DIPK1A: variants seen among roughly 807,000 people sequenced by gnomAD.
DIPK1A encodes the protein family with sequence similarity 69 member A.
In DIPK1A, 27 loss-of-function variants were observed where a neutral mutation model predicts 40.8. That is an observed-to-expected ratio of 0.66 (90% confidence interval 0.49 to 0.91). DIPK1A has a LOEUF of 0.91. DIPK1A is among the 40% of genes least tolerant of loss of function. DIPK1A has a pLI of 0.00. For missense variants in DIPK1A, 412 were observed against 505.7 expected (o/e 0.81, Z 1.78); for synonymous variants, 166 against 171.3 (o/e 0.97, Z 0.24).
chr1:92,924,140 G>A (rs1477301012), intron 1 of DIPK1A, among the ~76,000 whole-genome samples: 2 of 151,754 alleles, frequency 1.3e-5, no homozygotes, highest in African/African-American at 4.8e-5. Context: ...AAAGATAATT[G>A]GTTTTTAAAT....
chr1:92,872,263 G>A (rs1255585572), intron 2 of DIPK1A, among the ~76,000 whole-genome samples: 2 of 151,392 alleles, frequency 1.3e-5, no homozygotes, highest in Non-Finnish European at 2.9e-5. Flanking sequence ...TGTATTTTTA[G>A]TAGAGACAGG....
Position 92,847,093 on chromosome 1 carries a change from A to G in DIPK1A, c.474+90T>C, listed in dbSNP as rs1687665562. Reference sequence around the variant, plus strand: ...GAGAATCTGATAGAGGTCAAAGAATATCAACACTTTAATGGCTTAGGATGA... The same window carrying G: ...GAGAATCTGATAGAGGTCAAAGAATGTCAACACTTTAATGGCTTAGGATGA... On this transcript the variant is annotated intron_variant, in intron 4 of 4. Transcript: ENST00000370310. 18 of 811,190 alleles carry G rather than the reference A, an allele frequency of 2.2e-5. No individual in the cohort carries two copies. In the South Asian group the frequency reaches 5.0e-4, roughly 22 times the overall value. 50.2% of individuals were successfully genotyped at this position (811,190 alleles called of 1,614,324 possible).
At position 92,940,909 on chromosome 1, in the gene DIPK1A, C is replaced by G. The variant is rs117115540; in HGVS notation, c.54+20467G>C. On this transcript the variant is annotated intron_variant, in intron 1 of 4. Transcript: ENST00000370310. ...GTCTTCATCTGTGTTTACTTGCCAT[C>G]TATATAGCTTTGGTAAAATGTCTAT... 1.2e-3 allele frequency among the ~76,000 whole-genome samples: 188 copies of G among 152,174 alleles called. 2 individuals are homozygous for G. The East Asian group carries it at 0.027, about 22-fold the overall frequency.
intron 1 of DIPK1A, among the ~76,000 whole-genome samples, chr1:92,903,934 A>T (rs1442935820): frequency 6.6e-6 from 1 of 152,206 alleles, no homozygotes; most frequent in Non-Finnish European, 1.5e-5. Flanking sequence ...TGATAGTAAA[A>T]TGTTGATAGC....
chr1:92,955,965 G>A (rs1190959226), intron 1 of DIPK1A, among the ~76,000 whole-genome samples: 2 of 151,940 alleles, frequency 1.3e-5, no homozygotes, highest in South Asian at 2.1e-4. Context: ...GAGTATGGGA[G>A]GTAGAGGCTG....
rs116226228 is a variant in DIPK1A at position 92,953,384 on chromosome 1, G to A, written c.54+7992C>T. The stretch of plus-strand genomic sequence containing the variant: ...AAAAAATTAAAAATAGAATTACCAT[G>A]TGATCCAACAATCCCACTTCTGGAT... On this transcript the variant is annotated intron_variant, in intron 1 of 4. Transcript: ENST00000370310. Among the ~76,000 whole-genome samples the A allele has an allele frequency of 3.3e-3, 501 of 152,244 alleles. 1 individual carries two copies. Among genetic ancestry groups the A allele is most frequent in the African/African-American group, 0.012 (489 of 41,548 alleles).
chr1:92,891,894 G>A (rs1648901892), intron 1 of DIPK1A, among the ~76,000 whole-genome samples: 1 of 152,188 alleles, frequency 6.6e-6, no homozygotes, highest in Admixed American at 6.5e-5. Context: ...CTACGCCCAT[G>A]GAGCCTCGCT....
In DIPK1A at chr1:92,850,951, T is replaced by A. The variant is rs752564129; in HGVS notation, c.194A>T (p.Asp65Val). 2 of 1,554,252 alleles carry A rather than the reference T, an allele frequency of 1.3e-6. No homozygotes were observed. The highest frequency in any genetic ancestry group is 1.7e-6 in the Non-Finnish European group (2 of 1,147,978). Residue 65 changes from aspartate to valine, a missense_variant, in exon 3 of 5, where the codon GAC (aspartate) becomes GTC (valine). Coordinates refer to ENST00000370310, the MANE Select transcript of DIPK1A (RefSeq NM_001006605.5). ...ATCAATAACTCCAGTCTTGTACTTG[T>A]CACACTAAAAACCAGGAAATAAAAA... ...RGKDCKKIIC[D>V]KYKTGVIDGP...
intron 4 of DIPK1A, among the ~76,000 whole-genome samples, chr1:92,835,500 G>GAAA (rs560861965): frequency 7.7e-6 from 1 of 129,274 alleles, no homozygotes; most frequent in African/African-American, 2.8e-5. Flanking sequence ...TAAAAAAGTA[G>GAAA]AAAAAAAAAA....
chr1:92,842,628 A>G lies in DIPK1A; in HGVS notation c.*755T>C, dbSNP rs576668218. The G allele has an allele frequency of 8.0e-5, 79 of 985,260 alleles. No individual in the cohort carries two copies. Among genetic ancestry groups the G allele is most frequent in the South Asian group, 4.2e-4 (9 of 21,286 alleles). 61.0% of individuals were successfully genotyped at this position (985,260 alleles called of 1,614,324 possible). A position where few individuals can be genotyped will look rare whatever the true frequency, so the allele number is the denominator to read the frequency against. On this transcript the variant is annotated 3_prime_UTR_variant, in exon 5 of 5. Coordinates refer to ENST00000370310, the MANE Select transcript of DIPK1A (RefSeq NM_001006605.5). ...CTTGCACTTACAGTCCCACTTTCAC[A>G]TAGTTCAAAATCAGGATATGTGGAT...
At chr1:92,912,984 T>C (rs1182587433) in intron 1 of DIPK1A, among the ~76,000 whole-genome samples, 2 of 151,896 alleles carry the variant, frequency 1.3e-5, no homozygotes, top group Non-Finnish European at 1.5e-5. Flanking sequence ...TGCATCTGTA[T>C]ACCCAGGTAC....
At chr1:92,887,254 T>A (rs911383422) in intron 1 of DIPK1A, among the ~76,000 whole-genome samples, 17 of 106,890 alleles carry the variant, frequency 1.6e-4, no homozygotes, top group South Asian at 6.9e-4. Context: ...CCATCTCTAC[T>A]AAAAAAAAAA....
chr1:92,868,976 A>AAAAAAG (rs1487873591), intron 2 of DIPK1A, among the ~76,000 whole-genome samples: 2 of 151,016 alleles, frequency 1.3e-5, no homozygotes, highest in East Asian at 3.9e-4. Flanking sequence ...AAAAAAAAAA[A>AAAAAAG]AAGCTCCTAA....
chr1:92,896,092 T>C (rs1571102835), intron 1 of DIPK1A, among the ~76,000 whole-genome samples: 3 of 152,324 alleles, frequency 2.0e-5, no homozygotes, highest in Middle Eastern at 3.4e-3. Context: ...AAGTAATTTA[T>C]AGATTCAATG....
chr1:92,961,318 C>T (rs1408979071), intron 1 of DIPK1A, 58 bp downstream of exon 1: 1 of 1,330,418 alleles, frequency 7.5e-7, no homozygotes, highest in East Asian at 3.3e-5. Context: ...CTGCGCGGCG[C>T]GGCAGGGCAC....
intron 1 of DIPK1A, among the ~76,000 whole-genome samples, chr1:92,916,166 TTAGA>T (rs906616249): frequency 5.3e-5 from 8 of 152,194 alleles, no homozygotes; most frequent in Admixed American, 4.6e-4. Context: ...TGTTCTAAAA[TTAGA>T]TAGTGGCAAT....
Position 92,832,834 on chromosome 1 carries a change from T to C in DIPK1A, c.*186A>G, listed in dbSNP as rs1487678154. 4 of 600,892 alleles carry C rather than the reference T, an allele frequency of 6.7e-6. No individual in the cohort carries two copies. The African/African-American group carries it at 7.4e-5, about 11-fold the overall frequency. The allele number at this position is 600,892 out of a possible 1,614,324, so 37.2% of individuals were successfully genotyped here. On this transcript the variant is annotated 3_prime_UTR_variant, in exon 5 of 5. Coordinates refer to the DIPK1A transcript ENST00000615519. ...GGGGGAATTACTGCTGAATGTGCTC[T>C]TGCCCAGTTAAGCTTTGTGGCAGGT...
intron 1 of DIPK1A, among the ~76,000 whole-genome samples, chr1:92,944,658 G>A (rs1303507795): frequency 6.6e-6 from 1 of 152,150 alleles, no homozygotes; most frequent in Non-Finnish European, 1.5e-5. Context: ...TCTGAGACAA[G>A]GTCTCACTCT....
chr1:92,838,533 C>T (rs942763523), downstream of DIPK1A, among the ~76,000 whole-genome samples: 2 of 152,190 alleles, frequency 1.3e-5, no homozygotes, highest in African/African-American at 2.4e-5. Flanking sequence ...TGTATATGTG[C>T]CTTCCTTCAG....
Sources: gnomAD v4.1 joint callset for allele counts (sites outside exome capture counted in the v4.1 genomes callset) on GRCh38, gnomAD v4.1.1 for gene constraint, MANE v1.5 for transcripts, NCBI Gene and HGNC (gene_info 2026-07-23, HGNC 2026-07-21) for gene names.